NPAS3: variants seen among roughly 807,000 people sequenced by gnomAD.
The protein encoded by NPAS3 is neuronal PAS domain-containing protein 3.
In NPAS3, 14 loss-of-function variants were observed where a neutral mutation model predicts 73.1. The ratio of observed to expected loss-of-function variants is 0.19; its 90% CI spans 0.13 to 0.30. The LOEUF is 0.30. Among genes scored for constraint, NPAS3 ranks in the 10% least tolerant of loss-of-function variants. The pLI, the probability that NPAS3 is intolerant of heterozygous loss-of-function variation, is 1.00. For missense variants in NPAS3, 1,096 were observed against 1,250.0 expected (o/e 0.88, Z 1.86); for synonymous variants, 620 against 541.5 (o/e 1.14, Z -2.01).
intron 2 of NPAS3, among the ~76,000 whole-genome samples, chr14:33,196,795 T>C (rs957693900): frequency 3.3e-5 from 5 of 152,236 alleles, no homozygotes; most frequent in African/African-American, 9.6e-5. Flanking sequence ...TGAATGCTTA[T>C]AGAAGTCTTT....
At chr14:33,183,324 G>C (rs1405724311) in intron 2 of NPAS3, among the ~76,000 whole-genome samples, 1 of 151,970 alleles carries the variant, frequency 6.6e-6, no homozygotes, top group Non-Finnish European at 1.5e-5. Context: ...TACTTGGGGG[G>C]CTGAGGCAGG....
At chr14:33,745,268 T>G (rs2061759685) in intron 7 of NPAS3, among the ~76,000 whole-genome samples, 1 of 152,034 alleles carries the variant, frequency 6.6e-6, no homozygotes, top group South Asian at 2.1e-4. Flanking sequence ...ATCTGGGAAG[T>G]GCAATAATGT....
intron 2 of NPAS3, among the ~76,000 whole-genome samples, chr14:33,065,801 A>AT (rs775561883): frequency 1.3e-5 from 2 of 152,098 alleles, no homozygotes; most frequent in African/African-American, 2.4e-5. Flanking sequence ...ATAAGCTTTC[A>AT]TAACAGCATC....
At chr14:33,148,103 G>A (rs1376674865) in intron 2 of NPAS3, among the ~76,000 whole-genome samples, 1 of 151,982 alleles carries the variant, frequency 6.6e-6, no homozygotes, top group African/African-American at 2.4e-5. Context: ...TTCTCTGAAG[G>A]ATATTTATAG....
chr14:32,938,736 G>C (rs2035813414), upstream of NPAS3, among the ~76,000 whole-genome samples: 1 of 150,430 alleles, frequency 6.6e-6, no homozygotes, highest in Admixed American at 6.6e-5. Flanking sequence ...AGGGGTGACG[G>C]GGGACGGGGG....
At chr14:33,287,113 A>T (rs2041908304) in intron 3 of NPAS3, among the ~76,000 whole-genome samples, 1 of 152,172 alleles carries the variant, frequency 6.6e-6, no homozygotes, top group Admixed American at 6.5e-5. Context: ...GAAAGAAAGA[A>T]ACTTTTCCCG....
intron 6 of NPAS3, among the ~76,000 whole-genome samples, chr14:33,692,836 T>TAAAAAAAAA (rs34684535): frequency 1.2e-4 from 8 of 64,050 alleles, no homozygotes; most frequent in East Asian, 7.0e-4. Context: ...CCCAATGTCT[T>TAAAAAAAAA]AAAAAAAAAA....
At chr14:33,310,547 C>T (rs1332899375) in intron 3 of NPAS3, among the ~76,000 whole-genome samples, 1 of 152,128 alleles carries the variant, frequency 6.6e-6, no homozygotes, top group Non-Finnish European at 1.5e-5. Flanking sequence ...AACAGATTAT[C>T]AGATGGCATA....
At chr14:33,660,100 T>C (rs1031319830) in intron 5 of NPAS3, among the ~76,000 whole-genome samples, 11 of 152,052 alleles carry the variant, frequency 7.2e-5, no homozygotes, top group Non-Finnish European at 1.5e-4. Context: ...AGGTCTAGAA[T>C]GAAAAAATGT....
chr14:33,239,827 C>T (rs1459546573), intron 3 of NPAS3, among the ~76,000 whole-genome samples: 1 of 151,684 alleles, frequency 6.6e-6, no homozygotes, highest in Non-Finnish European at 1.5e-5. Flanking sequence ...CAATTTGCTC[C>T]CTTCACATAC....
At chr14:33,802,927 A>T (rs1383457052), downstream of NPAS3, 2 of 150,668 alleles carry the variant, frequency 1.3e-5, no homozygotes, top group Admixed American at 1.3e-4. Context: ...TTCCTTCCCC[A>T]TCCCCAAAAT....
intron 4 of NPAS3, among the ~76,000 whole-genome samples, chr14:33,428,556 C>T (rs1412859810): frequency 6.6e-6 from 1 of 152,028 alleles, no homozygotes; most frequent in Non-Finnish European, 1.5e-5. Flanking sequence ...ACATGAAAAT[C>T]TTACCTCCTC....
intron 4 of NPAS3, among the ~76,000 whole-genome samples, chr14:33,391,015 T>G (rs1188468557): frequency 6.6e-6 from 1 of 152,122 alleles, no homozygotes; most frequent in African/African-American, 2.4e-5. Flanking sequence ...CCTTTAGGTA[T>G]CCTAACTATT....
intron 5 of NPAS3, among the ~76,000 whole-genome samples, chr14:33,577,496 C>T (rs191632379): frequency 3.3e-5 from 5 of 152,068 alleles, no homozygotes; most frequent in East Asian, 3.9e-4. Context: ...GTCAAAGTAA[C>T]CTTGTGAGGC....
chr14:33,335,655 CTTGCGGGACGT>C lies in NPAS3; in HGVS notation c.386-31527_386-31517del, dbSNP rs1260801419. Among the ~76,000 whole-genome samples, 5 of 152,114 alleles carry C rather than the reference CTTGCGGGACGT, an allele frequency of 3.3e-5. No homozygotes were observed. The East Asian group carries it at 7.7e-4, about 23-fold the overall frequency. On this transcript the variant is annotated intron_variant, in intron 3 of 11. Coordinates refer to ENST00000356141, the Ensembl canonical transcript of NPAS3. Reference sequence around the variant, plus strand: ...CTGCTAAGTGACACATAGTTTAGGCCTTGCGGGACGTTTGAGTGGGCCTTTTGGCTGTTAGT... The same window carrying C: ...CTGCTAAGTGACACATAGTTTAGGCCTTGAGTGGGCCTTTTGGCTGTTAGT...
At chr14:33,202,165 G>C (rs771106251) in intron 2 of NPAS3, among the ~76,000 whole-genome samples, 19 of 152,066 alleles carry the variant, frequency 1.2e-4, no homozygotes, top group Non-Finnish European at 2.5e-4. Context: ...ACTCTGAAAG[G>C]CCGGGGTGGG....
intron 5 of NPAS3, among the ~76,000 whole-genome samples, chr14:33,587,674 T>C (rs2056913326): frequency 6.6e-6 from 1 of 152,250 alleles, no homozygotes; most frequent in Admixed American, 6.5e-5. Flanking sequence ...CTTAAAGCTC[T>C]GATTTCGGTG....
At chr14:33,192,494 G>A (rs1018338745) in intron 2 of NPAS3, among the ~76,000 whole-genome samples, 3 of 152,176 alleles carry the variant, frequency 2.0e-5, no homozygotes, top group Non-Finnish European at 2.9e-5. Context: ...TGGAAGGTGA[G>A]TCTTGCCAGT....
At chr14:33,068,901 C>T (rs1346478715) in intron 2 of NPAS3, among the ~76,000 whole-genome samples, 1 of 151,992 alleles carries the variant, frequency 6.6e-6, no homozygotes, top group Non-Finnish European at 1.5e-5. Flanking sequence ...GCAAGGAGGA[C>T]AGTGGCAGGA....
Sources: allele counts gnomAD v4.1 joint callset (sites outside exome capture counted in the v4.1 genomes callset), GRCh38; gene constraint gnomAD v4.1.1; transcripts MANE v1.5; gene names NCBI Gene and HGNC (gene_info 2026-07-23, HGNC 2026-07-21).